Variants in CSMD3 observed in about 807,000 individuals in gnomAD.
The protein encoded by CSMD3 is CUB and Sushi multiple domains 3.
CSMD3 carries 177 observed loss-of-function variants against 435.2 expected under a neutral mutation model. The observed-to-expected ratio is 0.41, with a 90% CI of 0.36 to 0.46. The LOEUF (loss-of-function observed/expected upper bound fraction) is 0.46. Ranked by LOEUF, CSMD3 falls within the 20% of genes least tolerant of loss-of-function variation. CSMD3 has a pLI of 0.34. For synonymous variants in CSMD3, 1,656 were observed against 1,520.5 expected, an observed-to-expected ratio of 1.09 and a Z score of -2.07; for missense variants, 4,265 against 4,504.6, an observed-to-expected ratio of 0.95 and a Z score of 1.52.
At chr8:113,322,500 C>T (rs991139083) in intron 1 of CSMD3, among the ~76,000 whole-genome samples, 1 of 151,884 alleles carries the variant, frequency 6.6e-6, no homozygotes, top group Non-Finnish European at 1.5e-5. Context: ...TGTTCTGTTC[C>T]ATTAGTTTAT....
intron 3 of CSMD3, among the ~76,000 whole-genome samples, chr8:113,216,406 G>A (rs1450810128): frequency 6.6e-6 from 1 of 151,794 alleles, no homozygotes; most frequent in Non-Finnish European, 1.5e-5. Context: ...CATTGATATT[G>A]GTGAATTTGA....
At chr8:112,365,021 T>C (rs550048838) in intron 38 of CSMD3, among the ~76,000 whole-genome samples, 1 of 152,224 alleles carries the variant, frequency 6.6e-6, no homozygotes, top group African/African-American at 2.4e-5. Flanking sequence ...CAAGTAATGA[T>C]GTAGCTTTAT....
chr8:113,166,576 T>C (rs1444630481), intron 4 of CSMD3, among the ~76,000 whole-genome samples: 1 of 152,080 alleles, frequency 6.6e-6, no homozygotes, highest in Non-Finnish European at 1.5e-5. Flanking sequence ...ATACTTCAAA[T>C]GTGAGAACTT....
chr8:112,547,692 T>A (rs1275426380), intron 27 of CSMD3, among the ~76,000 whole-genome samples: 6 of 152,070 alleles, frequency 3.9e-5, no homozygotes, highest in African/African-American at 1.4e-4. Flanking sequence ...TGAAAAGGGA[T>A]CTTGGCACAG....
chr8:112,435,731 G>T (rs1430832633), intron 32 of CSMD3, among the ~76,000 whole-genome samples: 1 of 151,932 alleles, frequency 6.6e-6, no homozygotes, highest in Non-Finnish European at 1.5e-5. Context: ...ATACTTTCAA[G>T]ATAACTTAAA....
intron 12 of CSMD3, 131 bp from the exon 13 acceptor site, chr8:112,800,405 G>A: frequency 1.4e-6 from 1 of 695,510 alleles, no homozygotes; most frequent in Admixed American, 2.1e-5. Context: ...AGAGGAGTAT[G>A]TGTTGATGTG....
chr8:113,229,230 T>C (rs2093059203), intron 3 of CSMD3, among the ~76,000 whole-genome samples: 1 of 151,670 alleles, frequency 6.6e-6, no homozygotes, highest in Non-Finnish European at 1.5e-5. Context: ...AATTATGTGG[T>C]GCTGTGAAAC....
At chr8:113,357,082 G>T (rs576565264) in intron 1 of CSMD3, among the ~76,000 whole-genome samples, 1 of 152,212 alleles carries the variant, frequency 6.6e-6, no homozygotes, top group South Asian at 2.1e-4. Flanking sequence ...TTATGTGTTT[G>T]TGTTGTATTT....
At chr8:112,535,845 C>G (rs1388101507) in intron 27 of CSMD3, among the ~76,000 whole-genome samples, 1 of 152,064 alleles carries the variant, frequency 6.6e-6, no homozygotes, top group Non-Finnish European at 1.5e-5. Flanking sequence ...TGGAACAGAA[C>G]AGAGCCCTCA....
At chr8:112,866,272 A>C (rs186001908) in intron 10 of CSMD3, among the ~76,000 whole-genome samples, 224 of 152,154 alleles carry the variant, frequency 1.5e-3, no homozygotes, top group Admixed American at 3.6e-3. Context: ...AATTCAAATC[A>C]CCTAGATCTC....
At chr8:112,500,558 G>A (rs1381784407) in intron 30 of CSMD3, among the ~76,000 whole-genome samples, 1 of 152,020 alleles carries the variant, frequency 6.6e-6, no homozygotes, top group African/African-American at 2.4e-5. Context: ...AAGAGTACAA[G>A]GACTAAAAAT....
intron 4 of CSMD3, among the ~76,000 whole-genome samples, chr8:113,108,620 C>G (rs2090551576): frequency 6.6e-6 from 1 of 151,820 alleles, no homozygotes; most frequent in African/African-American, 2.4e-5. Context: ...TGATAAAATA[C>G]CAAACTTAAT....
At chr8:112,484,418 A>C (rs1586475968) in intron 31 of CSMD3, among the ~76,000 whole-genome samples, 1 of 152,110 alleles carries the variant, frequency 6.6e-6, no homozygotes, top group Non-Finnish European at 1.5e-5. Flanking sequence ...TCTTGCCATG[A>C]CTACTAACAG....
chr8:112,984,311 CTG>C (rs1374811138), intron 6 of CSMD3, among the ~76,000 whole-genome samples: 2 of 151,868 alleles, frequency 1.3e-5, no homozygotes, highest in African/African-American at 4.8e-5. Flanking sequence ...CAAACAAAAA[CTG>C]TCTTTTAATA....
intron 32 of CSMD3, among the ~76,000 whole-genome samples, chr8:112,434,857 A>G (rs1425541230): frequency 1.3e-5 from 2 of 152,164 alleles, no homozygotes; most frequent in Non-Finnish European, 2.9e-5. Context: ...CATGAACTCA[A>G]TGAAAAAGCT....
intron 3 of CSMD3, among the ~76,000 whole-genome samples, chr8:113,180,749 G>T (rs2092411324): frequency 6.6e-6 from 1 of 152,036 alleles, no homozygotes; most frequent in Admixed American, 6.6e-5. Flanking sequence ...GTTTTAATAA[G>T]CACTGGATCA....
rs1821129505 is a variant in CSMD3, at chr8:112,494,558, TCTTTCTTTCTTTC to T, written c.5084-1888_5084-1876del. Among the ~76,000 whole-genome samples the T allele has an allele frequency of 2.1e-5, 3 of 145,564 alleles. No individual in the cohort carries two copies. The South Asian group carries it at 6.4e-4, about 31-fold the overall frequency. ...TTCTTTCTTTCTTTCTTTCTTTCTT[TCTTTCTTTCTTTC>T]TTTTCTTTCTTTCTCTCTACAAGTA... On this transcript the variant is annotated intron_variant, in intron 30 of 70. Transcript: ENST00000297405.
intron 6 of CSMD3, among the ~76,000 whole-genome samples, chr8:112,976,483 T>C (rs1019684186): frequency 1.3e-5 from 2 of 152,046 alleles, no homozygotes; most frequent in Non-Finnish European, 2.9e-5. Context: ...GCCTGGCAAG[T>C]GTCAGGTTTT....
intron 27 of CSMD3, among the ~76,000 whole-genome samples, chr8:112,520,429 T>C (rs962260213): frequency 6.6e-6 from 1 of 151,984 alleles, no homozygotes; most frequent in African/African-American, 2.4e-5. Context: ...TTAACCATTA[T>C]AGTGTGTTGT....
Sources: allele counts gnomAD v4.1 joint callset (sites outside exome capture counted in the v4.1 genomes callset), GRCh38; gene constraint gnomAD v4.1.1; transcripts MANE v1.5; gene names NCBI Gene and HGNC (gene_info 2026-07-23, HGNC 2026-07-21).